Variants in KCNIP4 observed in about 807,000 individuals in gnomAD.
KCNIP4 encodes potassium voltage-gated channel interacting protein 4.
A neutral mutation model predicts 34.0 loss-of-function variants in KCNIP4; 12 were observed. The ratio of observed to expected loss-of-function variants is 0.35; its 90% CI spans 0.23 to 0.57. KCNIP4 has a LOEUF of 0.57. Ranked by LOEUF, KCNIP4 falls within the 20% of genes least tolerant of loss-of-function variation. The probability of loss-of-function intolerance (pLI) is 0.83; values close to 1 mark genes in which losing one functional copy is unlikely to be tolerated. For synonymous variants in KCNIP4, 124 were observed against 102.2 expected (o/e 1.21, Z -1.29); for missense variants, 238 against 311.7 (o/e 0.76, Z 1.78).
intron 1 of KCNIP4, among the ~76,000 whole-genome samples, chr4:21,238,098 C>A (rs1412323348): frequency 1.3e-5 from 2 of 152,094 alleles, no homozygotes; most frequent in Admixed American, 1.3e-4. Flanking sequence ...TAAATGTAAT[C>A]CAGCATATAA....
At chr4:21,378,908 T>C (rs1003799621) in intron 1 of KCNIP4, among the ~76,000 whole-genome samples, 3 of 152,132 alleles carry the variant, frequency 2.0e-5, no homozygotes, top group African/African-American at 7.2e-5. Context: ...AAACACAGGG[T>C]TGAAATCATA....
intron 2 of KCNIP4, among the ~76,000 whole-genome samples, chr4:20,876,861 C>A (rs1560535618): frequency 1.3e-5 from 2 of 152,120 alleles, no homozygotes; most frequent in African/African-American, 4.8e-5. Context: ...CGTGAGCCAC[C>A]GCGCCTGGCC....
chr4:21,111,268 T>G (rs553162482), intron 1 of KCNIP4, among the ~76,000 whole-genome samples: 1 of 150,162 alleles, frequency 6.7e-6, no homozygotes, highest in African/African-American at 2.5e-5. Context: ...TGGCTTTGAG[T>G]TTCAAATGGC....
At chr4:21,009,646 C>T (rs147475407) in intron 1 of KCNIP4, among the ~76,000 whole-genome samples, 1 of 152,180 alleles carries the variant, frequency 6.6e-6, no homozygotes, top group South Asian at 2.1e-4. Flanking sequence ...TAATGTAATG[C>T]ATTTTATTCT....
chr4:21,624,193 G>T (rs540492012), intron 1 of KCNIP4, among the ~76,000 whole-genome samples: 2 of 152,078 alleles, frequency 1.3e-5, no homozygotes, highest in African/African-American at 4.8e-5. Flanking sequence ...CAAGTGACTT[G>T]AACTCCCAAG....
intron 1 of KCNIP4, among the ~76,000 whole-genome samples, chr4:21,199,669 C>G (rs990603386): frequency 5.9e-5 from 9 of 152,032 alleles, no homozygotes; most frequent in African/African-American, 1.9e-4. Flanking sequence ...ATGGTATTGC[C>G]TAGGTTTTCT....
intron 5 of KCNIP4, among the ~76,000 whole-genome samples, chr4:20,746,882 C>T (rs1752529593): frequency 6.6e-6 from 1 of 152,120 alleles, no homozygotes; most frequent in African/African-American, 2.4e-5. Context: ...CTCTACTGTA[C>T]CTCTCAGTAT....
chr4:21,394,506 A>G (rs1406119153), intron 1 of KCNIP4, among the ~76,000 whole-genome samples: 1 of 152,212 alleles, frequency 6.6e-6, no homozygotes, highest in Non-Finnish European at 1.5e-5. Flanking sequence ...GGGATTACTC[A>G]TATGGAACCC....
intron 3 of KCNIP4, among the ~76,000 whole-genome samples, chr4:20,786,634 G>A (rs961767160): frequency 4.6e-5 from 7 of 152,072 alleles, no homozygotes; most frequent in African/African-American, 1.7e-4. Flanking sequence ...TTTCTGTCCT[G>A]TTCTCTTACG....
chr4:21,722,167 A>G (rs1714865333), intron 1 of KCNIP4, among the ~76,000 whole-genome samples: 1 of 152,180 alleles, frequency 6.6e-6, no homozygotes, highest in African/African-American at 2.4e-5. Flanking sequence ...AAAGCCATTC[A>G]TTTATTCAAT....
At chr4:20,944,604 G>A (rs1731997237) in intron 1 of KCNIP4, among the ~76,000 whole-genome samples, 1 of 152,198 alleles carries the variant, frequency 6.6e-6, no homozygotes, top group African/African-American at 2.4e-5. Flanking sequence ...ATGAGGCTCT[G>A]CACTCATCAT....
chr4:21,948,761 G>A lies in KCNIP4; in HGVS notation c.-130C>T, dbSNP rs1250064993. The A allele has an allele frequency of 8.6e-7, 1 of 1,167,632 alleles. No homozygotes were observed. The highest frequency in any genetic ancestry group is 1.6e-5 in the African/African-American group (1 of 61,554). The allele number at this position is 1,167,632 out of a possible 1,614,324, so 72.3% of individuals were successfully genotyped here. On this transcript the variant is annotated 5_prime_UTR_variant, in exon 1 of 9. Coordinates refer to ENST00000382152, the MANE Select transcript of KCNIP4 (RefSeq NM_025221.6). ...CCGTGGCGCTGGGAGCGAGAGCTTC[G>A]GCGGCGGCTGCGGGCAGGGCGCGCG... is the stretch of plus-strand genomic sequence containing the variant.
intron 1 of KCNIP4, among the ~76,000 whole-genome samples, chr4:21,814,911 G>A (rs971600721): frequency 6.6e-6 from 1 of 152,076 alleles, no homozygotes; most frequent in African/African-American, 2.4e-5. Context: ...TAAAACTAAG[G>A]AGTAAGCCTG....
chr4:21,366,442 GA>G (rs1174910629), intron 1 of KCNIP4, among the ~76,000 whole-genome samples: 4 of 152,286 alleles, frequency 2.6e-5, no homozygotes, highest in Non-Finnish European at 4.4e-5. Context: ...AAACAAAAAG[GA>G]AATTCCTGTG....
intron 5 of KCNIP4, among the ~76,000 whole-genome samples, chr4:20,735,518 G>GT (rs754949562): frequency 5.7e-4 from 74 of 130,778 alleles, no homozygotes; most frequent in African/African-American, 1.1e-3. Context: ...TTCATTTAGT[G>GT]TTTTTTTTTT....
chr4:21,528,697 AAG>A (rs1193213582), intron 1 of KCNIP4, among the ~76,000 whole-genome samples: 1 of 292 alleles, frequency 3.4e-3, no homozygotes, highest in South Asian at 0.12. Flanking sequence ...GAAAGAAAGA[AAG>A]AAAGAAAGAA....
At chr4:21,739,669 T>C (rs1017512775) in intron 1 of KCNIP4, among the ~76,000 whole-genome samples, 5 of 152,220 alleles carry the variant, frequency 3.3e-5, no homozygotes, top group East Asian at 3.9e-4. Context: ...AAACTCCCAA[T>C]GCTACCCACA....
intron 5 of KCNIP4, among the ~76,000 whole-genome samples, chr4:20,739,747 T>C (rs4431223): frequency 0.33 from 50,887 of 152,014 alleles, 8,949 homozygotes; most frequent in African/African-American, 0.44. Flanking sequence ...ATGACTTTGA[T>C]GAGCTGACAG....
chr4:21,679,032 A>G (rs1304591664), intron 1 of KCNIP4, among the ~76,000 whole-genome samples: 2 of 152,214 alleles, frequency 1.3e-5, no homozygotes, highest in Non-Finnish European at 2.9e-5. Context: ...GCATGAAGAC[A>G]TAGTGACAAG....
Sources: gnomAD v4.1 joint callset for allele counts (sites outside exome capture counted in the v4.1 genomes callset) on GRCh38, gnomAD v4.1.1 for gene constraint, MANE v1.5 for transcripts, NCBI Gene and HGNC (gene_info 2026-07-23, HGNC 2026-07-21) for gene names.